The following CNOT4 variants were observed in gnomAD, a reference collection of about 807,000 sequenced individuals.
CNOT4 encodes CCR4-associated factor 4.
CNOT4 carries 8 observed loss-of-function variants against 73.8 expected under a neutral mutation model. That is an observed-to-expected ratio of 0.11 (90% CI 0.06 to 0.20). CNOT4 has a LOEUF of 0.20. Among genes scored for constraint, CNOT4 ranks in the 10% least tolerant of loss-of-function variants. The probability of loss-of-function intolerance (pLI) is 1.00; values close to 1 mark genes in which losing one functional copy is unlikely to be tolerated. For missense variants in CNOT4, 564 were observed against 883.4 expected, an observed-to-expected ratio of 0.64 and a Z score of 4.58; for synonymous variants, 293 against 321.1, an observed-to-expected ratio of 0.91 and a Z score of 0.94.
At position 135,398,172 on chromosome 7, in the gene CNOT4, C is replaced by A; in HGVS notation, c.876G>T (p.Gln292His). The A allele has an allele frequency of 6.6e-7, 1 of 1,521,036 alleles. No homozygotes were observed. Among genetic ancestry groups the A allele is most frequent in the Non-Finnish European group, 9.1e-7 (1 of 1,096,326 alleles). The allele number at this position is 1,521,036 out of a possible 1,614,324, so 94.2% of individuals were successfully genotyped here. A position where few individuals can be genotyped will look rare whatever the true frequency, so the allele number is the denominator to read the frequency against. Reference protein sequence around the residue: ...SLSIGNGDNSQQISNSDTPSP... With the variant: ...SLSIGNGDNSHQISNSDTPSP... ...TGATACTGTATTCAAATCTTACCTG[C>A]TGGGAATTATCACCGTTCCCTATAC... Residue 292 changes from glutamine to histidine, a missense_variant, in exon 8 of 12, where the codon CAG (glutamine) becomes CAT (histidine). Coordinates refer to ENST00000541284, the MANE Select transcript of CNOT4 (RefSeq NM_001190850.2).
chr7:135,394,477 T>A, intron 9 of CNOT4, 62 bp from the exon 10 acceptor site: 1 of 1,321,874 alleles, frequency 7.6e-7, no homozygotes, highest in Non-Finnish European at 1.0e-6. Flanking sequence ...ACTTAATAAG[T>A]ATCCATGCTA....
At chr7:135,475,176 CCAAATT>C (rs1801910419) in intron 1 of CNOT4, among the ~76,000 whole-genome samples, 1 of 152,084 alleles carries the variant, frequency 6.6e-6, no homozygotes, top group Non-Finnish European at 1.5e-5. Flanking sequence ...CACAAACAAG[CCAAATT>C]CTACATTTTA....
chr7:135,387,213 G>A (rs1038935617), intron 10 of CNOT4: 28 of 984,338 alleles, frequency 2.8e-5, no homozygotes, highest in Non-Finnish European at 8.4e-6. Context: ...TTCTTGTAAT[G>A]TCTTAAAGTC....
intron 1 of CNOT4, among the ~76,000 whole-genome samples, chr7:135,497,768 C>G (rs547329138): frequency 1.5e-4 from 23 of 152,310 alleles, no homozygotes; most frequent in African/African-American, 5.1e-4. Context: ...CCATTACTCT[C>G]TGATTCAAGG....
At chr7:135,385,719 C>A (rs1796087848) in intron 10 of CNOT4, among the ~76,000 whole-genome samples, 1 of 152,124 alleles carries the variant, frequency 6.6e-6, no homozygotes, top group African/African-American at 2.4e-5. Context: ...ACTGTCGGAG[C>A]AGTTACTGAG....
intron 1 of CNOT4, among the ~76,000 whole-genome samples, chr7:135,468,684 C>CAA (rs34174386): frequency 0.11 from 13,072 of 124,476 alleles, 781 homozygotes; most frequent in African/African-American, 0.14. Context: ...GACTCTGTCT[C>CAA]AAAAAAAAAA....
At chr7:135,388,974 G>T in intron 10 of CNOT4, 1 of 1,318,582 alleles carries the variant, frequency 7.6e-7, no homozygotes, top group East Asian at 2.5e-5. Context: ...TCAATATTTG[G>T]AATACTGATA....
chr7:135,414,460 T>C (rs1797743539), intron 4 of CNOT4, 28 bp from the exon 5 acceptor site: 4 of 973,154 alleles, frequency 4.1e-6, no homozygotes, highest in African/African-American at 1.6e-5. Flanking sequence ...CATTCCACTG[T>C]TATTAGTTAA....
chr7:135,488,741 A>G (rs916936125), intron 1 of CNOT4, among the ~76,000 whole-genome samples: 12 of 152,300 alleles, frequency 7.9e-5, no homozygotes, highest in African/African-American at 2.9e-4. Context: ...TTATGTTATC[A>G]TGGAGGAATT....
chr7:135,415,142 G>A (rs1221479694), intron 4 of CNOT4, 34 bp downstream of exon 4: 6 of 1,266,862 alleles, frequency 4.7e-6, no homozygotes, highest in Non-Finnish European at 5.8e-6. Flanking sequence ...CCAGACCATA[G>A]GGAGGAAAAG....
intron 1 of CNOT4, among the ~76,000 whole-genome samples, chr7:135,472,456 GACAGA>G (rs1159802816): frequency 9.4e-6 from 1 of 106,352 alleles, no homozygotes; most frequent in East Asian, 3.1e-4. Flanking sequence ...CAGCCCGGGC[GACAGA>G]GCGAGACACC....
intron 1 of CNOT4, among the ~76,000 whole-genome samples, chr7:135,473,473 C>A (rs762999692): frequency 6.6e-6 from 1 of 152,102 alleles, no homozygotes; most frequent in African/African-American, 2.4e-5. Flanking sequence ...ATAGGCCTGG[C>A]GTGGTGGCTC....
intron 10 of CNOT4, among the ~76,000 whole-genome samples, chr7:135,369,095 T>G (rs955642082): frequency 3.3e-5 from 5 of 152,184 alleles, no homozygotes; most frequent in African/African-American, 1.2e-4. Flanking sequence ...CAAGGCATCC[T>G]TCCTTCCCAC....
At position 135,363,132 on chromosome 7, in the gene CNOT4, G is replaced by GGAGGAT. The variant is rs1218617825; in HGVS notation, c.1889_1894dup (p.Pro631_Pro632insHisPro). ...GGCCTGAAGGGATTTTAGCCAGTGT[G>GGAGGAT]GAGGATTGTCATCTTGAAGAGAGTC... is the stretch of plus-strand genomic sequence containing the variant. On this transcript the variant is annotated inframe_insertion, in exon 12 of 12. Transcript: ENST00000541284. The surrounding 1 kb of genome is among the most constrained non-coding windows in gnomAD (Gnocchi z 4.3). 6.2e-7 allele frequency: 1 copy of GGAGGAT among 1,613,924 alleles called. No homozygotes were observed. Among genetic ancestry groups the GGAGGAT allele is most frequent in the Non-Finnish European group, 8.5e-7 (1 of 1,179,992 alleles).
intron 1 of CNOT4, among the ~76,000 whole-genome samples, chr7:135,477,463 C>A (rs1379358760): frequency 2.6e-5 from 4 of 152,172 alleles, no homozygotes; most frequent in Admixed American, 2.6e-4. Flanking sequence ...CCACTGTAAA[C>A]AATTCCTGTG....
chr7:135,485,548 CAT>C (rs1802664261), intron 1 of CNOT4, among the ~76,000 whole-genome samples: 1 of 152,108 alleles, frequency 6.6e-6, no homozygotes, highest in Non-Finnish European at 1.5e-5. Context: ...AAGAAAGAGA[CAT>C]ATAGACTAAT....
chr7:135,417,610 T>C (rs1282588196), intron 3 of CNOT4, among the ~76,000 whole-genome samples: 1 of 152,218 alleles, frequency 6.6e-6, no homozygotes, highest in Non-Finnish European at 1.5e-5. Flanking sequence ...TATGATGACA[T>C]GTTCACACTG....
intron 10 of CNOT4, among the ~76,000 whole-genome samples, chr7:135,372,430 C>G (rs186347123): frequency 1.3e-4 from 20 of 152,274 alleles, no homozygotes; most frequent in African/African-American, 4.8e-4. Flanking sequence ...TACAACTAGA[C>G]TTTGAGCTCC....
rs1477389605 is a variant in CNOT4 at position 135,393,898 on chromosome 7, A to G, written c.1627+20T>C. Reference sequence around the variant, plus strand: ...AATATGAGTTATTCAAAAATTCTCAAAGGTTTTAAATGAACCTACCTGCTA... The same window carrying G: ...AATATGAGTTATTCAAAAATTCTCAGAGGTTTTAAATGAACCTACCTGCTA... On this transcript the variant is annotated intron_variant, in intron 10 of 11. Transcript: ENST00000541284. 1.9e-6 allele frequency: 3 copies of G among 1,554,042 alleles called. No homozygotes were observed. Among genetic ancestry groups the G allele is most frequent in the South Asian group, 2.4e-5 (2 of 82,930 alleles).
Sources: gnomAD v4.1 joint callset for allele counts (sites outside exome capture counted in the v4.1 genomes callset) on GRCh38, gnomAD v4.1.1 for gene constraint, Gnocchi (gnomAD v3.1) non-coding constraint, MANE v1.5 for transcripts, NCBI Gene and HGNC (gene_info 2026-07-23, HGNC 2026-07-21) for gene names.